The following OSBPL1A variants were observed in gnomAD, a reference collection of about 807,000 sequenced individuals.
The protein encoded by OSBPL1A is oxysterol binding protein like 1A, also known as oxysterol-binding protein-related protein 1.
A neutral mutation model predicts 137.1 loss-of-function variants in OSBPL1A; 80 were observed. The ratio of observed to expected loss-of-function variants is 0.58; its 90% CI spans 0.49 to 0.70. The LOEUF (loss-of-function observed/expected upper bound fraction) is 0.70, where lower values mean the gene tolerates loss of function less well. Ranked by LOEUF, OSBPL1A falls within the 30% of genes least tolerant of loss-of-function variation. The probability of loss-of-function intolerance (pLI) is 0.00; values close to 1 mark genes in which losing one functional copy is unlikely to be tolerated. For synonymous variants in OSBPL1A, 365 were observed against 389.7 expected, an observed-to-expected ratio of 0.94 and a Z score of 0.75; for missense variants, 970 against 1,129.4, an observed-to-expected ratio of 0.86 and a Z score of 2.02.
At chr18:24,180,853 G>A (rs2086588386) in intron 19 of OSBPL1A, among the ~76,000 whole-genome samples, 1 of 151,880 alleles carries the variant, frequency 6.6e-6, no homozygotes, top group African/African-American at 2.4e-5. Context: ...CTCCAGCCTG[G>A]GCGACAGAGC....
chr18:24,385,690 A>C (rs529794555), intron 1 of OSBPL1A, among the ~76,000 whole-genome samples: 13 of 152,310 alleles, frequency 8.5e-5, no homozygotes, highest in Admixed American at 7.2e-4. Flanking sequence ...AAATAGAAGA[A>C]GGCCACTGAC....
chr18:24,288,715 C>T (rs2090117483), intron 14 of OSBPL1A, among the ~76,000 whole-genome samples: 1 of 150,100 alleles, frequency 6.7e-6, no homozygotes, highest in Non-Finnish European at 1.5e-5. Context: ...TTGCAGTGAG[C>T]CGAGATCGGC....
chr18:24,344,694 T>A (rs1269155), intron 4 of OSBPL1A, among the ~76,000 whole-genome samples: 96,134 of 151,956 alleles, frequency 0.63, 31,425 homozygotes, highest in African/African-American at 0.76. Flanking sequence ...TGCCTAGAGC[T>A]GAGCAACAGG....
intron 4 of OSBPL1A, chr18:24,358,088 G>A (rs954613438): frequency 4.5e-5 from 11 of 243,168 alleles, no homozygotes; most frequent in African/African-American, 2.2e-4. Context: ...TACACATTGG[G>A]GATGTACGTG....
At chr18:24,284,851 C>T (rs1053470823) in intron 14 of OSBPL1A, among the ~76,000 whole-genome samples, 2 of 152,088 alleles carry the variant, frequency 1.3e-5, no homozygotes, top group African/African-American at 4.8e-5. Context: ...ACAAAAAAAA[C>T]TATTTTCTTT....
At chr18:24,270,706 C>G (rs1289134624) in intron 15 of OSBPL1A, among the ~76,000 whole-genome samples, 1 of 152,122 alleles carries the variant, frequency 6.6e-6, no homozygotes, top group Admixed American at 6.5e-5. Context: ...GGTGTGTCCT[C>G]AAAATGGAAA....
chr18:24,253,226 A>G (rs983195372), intron 15 of OSBPL1A, among the ~76,000 whole-genome samples: 3 of 151,190 alleles, frequency 2.0e-5, no homozygotes, highest in African/African-American at 7.3e-5. Flanking sequence ...GCCTACAGGA[A>G]ATGCATTTCA....
At chr18:24,270,234 A>T (rs1418347093) in intron 15 of OSBPL1A, among the ~76,000 whole-genome samples, 1 of 152,220 alleles carries the variant, frequency 6.6e-6, no homozygotes, top group African/African-American at 2.4e-5. Flanking sequence ...AAATGTCAAA[A>T]ATTGTACATG....
At chr18:24,358,475 C>A in intron 4 of OSBPL1A, 1 of 702,378 alleles carries the variant, frequency 1.4e-6, no homozygotes, top group East Asian at 2.7e-5. Flanking sequence ...AAACCTGCTG[C>A]CCACTCATCT....
chr18:24,341,803 G>T, intron 4 of OSBPL1A, 145 bp from the exon 5 acceptor site: 1 of 498,748 alleles, frequency 2.0e-6, no homozygotes, highest in Non-Finnish European at 3.5e-6. Flanking sequence ...TATAATAAAT[G>T]AGTGATTCAA....
chr18:24,303,614 A>T, intron 14 of OSBPL1A, 23 bp downstream of exon 14: 1 of 1,582,820 alleles, frequency 6.3e-7, no homozygotes, highest in Non-Finnish European at 8.7e-7. Context: ...GAGTGATTGT[A>T]GGGATAGTGC....
At chr18:24,291,503 G>A (rs1261626517) in intron 14 of OSBPL1A, among the ~76,000 whole-genome samples, 1 of 152,088 alleles carries the variant, frequency 6.6e-6, no homozygotes. Flanking sequence ...TGAGGTAGGA[G>A]GATAGAACGA....
chr18:24,218,111 T>C (rs1046895791), intron 17 of OSBPL1A, among the ~76,000 whole-genome samples: 24 of 152,216 alleles, frequency 1.6e-4, no homozygotes, highest in African/African-American at 5.1e-4. Flanking sequence ...ATCCTATTAC[T>C]AAATACCATT....
At chr18:24,204,324 C>G (rs967466624) in intron 17 of OSBPL1A, among the ~76,000 whole-genome samples, 1 of 152,164 alleles carries the variant, frequency 6.6e-6, no homozygotes, top group East Asian at 1.9e-4. Flanking sequence ...TAATGACCAT[C>G]TGAATTCACA....
chr18:24,260,985 C>T (rs1390624426), intron 15 of OSBPL1A, among the ~76,000 whole-genome samples: 1 of 151,904 alleles, frequency 6.6e-6, no homozygotes, highest in Non-Finnish European at 1.5e-5. Context: ...ATAATATCCC[C>T]AAACTGGAAA....
intron 2 of OSBPL1A, among the ~76,000 whole-genome samples, chr18:24,375,574 C>T (rs1421381234): frequency 1.3e-5 from 2 of 152,110 alleles, no homozygotes; most frequent in Non-Finnish European, 2.9e-5. Flanking sequence ...TGGTTAACTC[C>T]TACTCTTTCA....
intron 18 of OSBPL1A, among the ~76,000 whole-genome samples, chr18:24,188,000 T>C (rs542898818): frequency 7.2e-5 from 11 of 152,306 alleles, no homozygotes; most frequent in Admixed American, 7.2e-4. Context: ...AGGGTGGGAT[T>C]GATCATAAAG....
At chr18:24,375,428 A>T (rs539226477) in intron 2 of OSBPL1A, among the ~76,000 whole-genome samples, 4 of 151,400 alleles carry the variant, frequency 2.6e-5, no homozygotes, top group South Asian at 4.2e-4. Flanking sequence ...AGCCATTTTG[A>T]GAACACGTTT....
At chr18:24,182,684 T>C (rs534129346) in intron 18 of OSBPL1A, among the ~76,000 whole-genome samples, 1 of 152,114 alleles carries the variant, frequency 6.6e-6, no homozygotes, top group African/African-American at 2.4e-5. Flanking sequence ...AAAGAAATGG[T>C]AAATTTACTG....
Sources: allele counts gnomAD v4.1 joint callset (sites outside exome capture counted in the v4.1 genomes callset), GRCh38; gene constraint gnomAD v4.1.1; transcripts MANE v1.5; gene names NCBI Gene and HGNC (gene_info 2026-07-23, HGNC 2026-07-21).